TSSC4: variants seen among roughly 807,000 people sequenced by gnomAD.
TSSC4 encodes the protein U5 small nuclear ribonucleoprotein TSSC4.
For synonymous variants in TSSC4, 259 were observed against 197.9 expected, an observed-to-expected ratio of 1.31 and a Z score of -2.59; for missense variants, 500 against 443.9, an observed-to-expected ratio of 1.13 and a Z score of -1.14.
chr11:2,402,750 C>A lies in TSSC4; in HGVS notation c.117C>A (p.Ser39Arg). Reference sequence around the variant, plus strand: ...TCAGTGACTCGGACTCTGACCTCAGCTTGCCCGGTGGTGCTGAAGTGGAAG... The same window carrying A: ...TCAGTGACTCGGACTCTGACCTCAGATTGCCCGGTGGTGCTGAAGTGGAAG... The part of the protein sequence containing the change: ...VSLSDSDSDL[S>R]LPGGAEVEAL... Residue 39 changes from serine (S) to arginine (R), a missense_variant, in exon 3 of 3, where the codon AGC becomes AGA. Coordinates refer to ENST00000333256, the MANE Select transcript of TSSC4 (RefSeq NM_005706.4). 1 of 1,571,054 alleles carries A rather than the reference C, an allele frequency of 6.4e-7. No homozygotes were observed. Among genetic ancestry groups the A allele is most frequent in the South Asian group, 1.2e-5 (1 of 86,116 alleles).
Position 2,402,809 on chromosome 11 carries a change from A to G in TSSC4, c.176A>G (p.Asp59Gly). 6.3e-7 allele frequency: 1 copy of G among 1,586,524 alleles called. No individual in the cohort carries two copies. Among genetic ancestry groups the G allele is most frequent in the Non-Finnish European group, 8.6e-7 (1 of 1,165,858 alleles). Residue 59 changes from aspartate to glycine, a missense_variant, in exon 3 of 3, where the codon GAT becomes GGT. Transcript: ENST00000333256. ...LSPMGLPGEEDSGPDEPPSPP... is the reference protein window; with the variant it reads ...LSPMGLPGEEGSGPDEPPSPP... ...CCGATGGGGCTGCCTGGGGAGGAGGATTCAGGTCCTGATGAGCCGCCCTCA... is the reference window on the plus strand; with the variant it reads ...CCGATGGGGCTGCCTGGGGAGGAGGGTTCAGGTCCTGATGAGCCGCCCTCA...
chr11:2,401,995 G>A (rs1850158971), intron 1 of TSSC4: 1 of 152,222 alleles, frequency 6.6e-6, no homozygotes, highest in East Asian at 1.9e-4. Flanking sequence ...CGCTCTTTGT[G>A]GAATACGACT....
Position 2,403,188 on chromosome 11 carries a change from C to T in TSSC4, c.555C>T (p.Phe185=), listed in dbSNP as rs1850215016. 5.6e-6 allele frequency: 9 copies of T among 1,612,572 alleles called. No individual in the cohort carries two copies. The highest frequency in any genetic ancestry group is 1.7e-5 in the Admixed American group (1 of 59,954). ...EQSNQATALA[F]LGSQSLAAPT... ...GCAATCAGGCCACCGCCCTGGCCTT[C>T]CTGGGCTCCCAGAGCCTGGCTGCCC... Residue 185 remains phenylalanine, a synonymous_variant, in exon 3 of 3, where the codon TTC becomes TTT. Coordinates refer to ENST00000333256, the MANE Select transcript of TSSC4 (RefSeq NM_005706.4).
intron 1 of TSSC4, chr11:2,402,035 G>A (rs1034592098): frequency 1.3e-5 from 2 of 152,508 alleles, no homozygotes; most frequent in Non-Finnish European, 2.9e-5. Context: ...CAGCTTATAA[G>A]TGGCCCTCCT....
Position 2,403,623 on chromosome 11 carries a change from A to G in TSSC4, c.990A>G (p.Ter330TrpextTer7). 2 of 1,512,162 alleles carry G rather than the reference A, an allele frequency of 1.3e-6. No individual in the cohort carries two copies. Among genetic ancestry groups the G allele is most frequent in the African/African-American group, 1.4e-5 (1 of 71,630 alleles). 93.7% of individuals were successfully genotyped at this position (1,512,162 alleles called of 1,614,324 possible). A position where few individuals can be genotyped will look rare whatever the true frequency, so the allele number is the denominator to read the frequency against. ...CCGAGGACCCAGGTGCTGAGGTCTG[A>G]GAGGGAGATGGCCCAGCCTGACCCC... ...SSPEDPGAEV* is the reference protein window; with the variant it reads ...SSPEDPGAEVW Residue 330 changes from the stop codon to tryptophan, a stop_lost, in exon 3 of 3, where the codon TGA (stop) becomes TGG (tryptophan). Transcript: ENST00000333256.
At chr11:2,400,993 G>C (rs1589857863) in intron 1 of TSSC4, 195 bp downstream of exon 1, 1 of 152,246 alleles carries the variant, frequency 6.6e-6, no homozygotes, top group Non-Finnish European at 1.5e-5. Flanking sequence ...ACAGTGCCGA[G>C]GGGCACCGAG....
rs1369059256 is a variant in TSSC4, at chr11:2,402,900, C to T, written c.267C>T (p.Phe89=). The T allele has an allele frequency of 1.2e-6, 2 of 1,612,258 alleles. No individual in the cohort carries two copies. The highest frequency in any genetic ancestry group is 1.1e-5 in the South Asian group (1 of 90,898). The change falls in exon 3 of 3, where the codon TTC becomes TTT. Residue 89 remains phenylalanine (F), a synonymous_variant. Coordinates refer to ENST00000333256, the MANE Select transcript of TSSC4 (RefSeq NM_005706.4). ...ATCTGAGAGGCATGAGCTCCACCTT[C>T]TCCCAGCGCAGCCGTGACATCTTTG... ...PFHLRGMSST[F]SQRSRDIFDC...
chr11:2,402,504 C>G lies in TSSC4; in HGVS notation c.-24+54C>G, dbSNP rs1189578757. 6.8e-6 allele frequency: 7 copies of G among 1,031,918 alleles called. No homozygotes were observed. In the Admixed American group the frequency reaches 1.3e-4, roughly 19 times the overall value. The allele number at this position is 1,031,918 out of a possible 1,614,324, so 63.9% of individuals were successfully genotyped here. A position where few individuals can be genotyped will look rare whatever the true frequency, so the allele number is the denominator to read the frequency against. ...GGACTCCACCCTGTGTGGGACAGTT[C>G]TGTCAGTTGACCCTCCACTTGTCCA... is the stretch of plus-strand genomic sequence containing the variant. On this transcript the variant is annotated intron_variant, in intron 2 of 2. Coordinates refer to ENST00000333256, the MANE Select transcript of TSSC4 (RefSeq NM_005706.4).
chr11:2,401,539 CT>C (rs1416156447), intron 1 of TSSC4: 2 of 152,406 alleles, frequency 1.3e-5, no homozygotes, highest in Non-Finnish European at 2.9e-5. Context: ...GATAGTACCC[CT>C]GACCCCATCC....
rs757576671 is a variant in TSSC4, at chr11:2,403,247, C to T, written c.614C>T (p.Pro205Leu). Residue 205 changes from proline (P) to leucine (L), a missense_variant, in exon 3 of 3, where the codon CCC (proline) becomes CTC (leucine). By Grantham distance (98) the Pro-to-Leu change is moderately conservative. Coordinates refer to ENST00000333256, the MANE Select transcript of TSSC4 (RefSeq NM_005706.4). Reference protein sequence around the residue: ...TDCVSSFNQDPSSCGEGRVIF... With the variant: ...TDCVSSFNQDLSSCGEGRVIF... The stretch of plus-strand genomic sequence containing the variant: ...TGCGTGTCCTCCTTCAACCAGGATC[C>T]CTCCAGCTGTGGGGAGGGGAGGGTC... 6.2e-7 allele frequency: 1 copy of T among 1,612,748 alleles called. No individual in the cohort carries two copies. Among genetic ancestry groups the T allele is most frequent in the South Asian group, 1.1e-5 (1 of 91,008 alleles).
Position 2,403,058 on chromosome 11 carries a change from G to A in TSSC4, c.425G>A (p.Arg142Gln), listed in dbSNP as rs780342193. 9.9e-6 allele frequency: 16 copies of A among 1,609,430 alleles called. No individual in the cohort carries two copies. Among genetic ancestry groups the A allele is most frequent in the South Asian group, 4.4e-5 (4 of 90,708 alleles). ...SPVEGLGRAH[R>Q]SPASPRVPPV... Reference sequence around the variant, plus strand: ...GTGGAAGGCCTGGGCAGGGCCCATCGGAGCCCTGCCTCACCAAGGGTGCCT... The same window carrying A: ...GTGGAAGGCCTGGGCAGGGCCCATCAGAGCCCTGCCTCACCAAGGGTGCCT... Residue 142 changes from arginine to glutamine, a missense_variant, in exon 3 of 3, where the codon CGG becomes CAG. Transcript: ENST00000333256.
Position 2,403,377 on chromosome 11 carries a change from A to G in TSSC4, c.744A>G (p.Thr248=). Reference sequence around the variant, plus strand: ...GGGGCGGCCTTGGGAATCCTGCCACAGACAGGGGCGAGGGCCCTGTGGAGC... The same window carrying G: ...GGGGCGGCCTTGGGAATCCTGCCACGGACAGGGGCGAGGGCCCTGTGGAGC... ...PGRGGLGNPA[T]DRGEGPVELA... is the part of the protein sequence containing the mutation. Residue 248 remains threonine, a synonymous_variant, in exon 3 of 3, where the codon ACA becomes ACG. Transcript: ENST00000333256. The G allele has an allele frequency of 6.2e-7, 1 of 1,609,950 alleles. No individual in the cohort carries two copies.
chr11:2,401,512 G>A (rs1850144453), intron 1 of TSSC4: 1 of 152,292 alleles, frequency 6.6e-6, no homozygotes, highest in Admixed American at 6.5e-5. Context: ...ACCTGGTGGG[G>A]GGCACTAAGA....
In TSSC4 at chr11:2,402,690, G is replaced by A. The variant is rs200277918; in HGVS notation, c.57G>A (p.Thr19=). The change falls in exon 3 of 3, where the codon ACG becomes ACA. Residue 19 remains threonine, a synonymous_variant. Transcript: ENST00000333256. ...CCAGCGTGGAGGGCGAACACGGGAC[G>A]GAGTATGACACGCTGCCTTCCGACA... ...PSPSVEGEHG[T]EYDTLPSDTV... is the part of the protein sequence containing the mutation. The A allele has an allele frequency of 7.5e-5, 119 of 1,587,490 alleles. No homozygotes were observed. In the East Asian group the frequency reaches 1.8e-3, roughly 24 times the overall value.
At chr11:2,402,479 G>A (rs762694744) in intron 2 of TSSC4, 29 bp downstream of exon 2, 5 of 796,650 alleles carry the variant, frequency 6.3e-6, no homozygotes, top group Non-Finnish European at 9.6e-6. Flanking sequence ...GGGGGAGGCG[G>A]GACTCCACCC....
chr11:2,402,554 C>G, intron 2 of TSSC4, 57 bp from the exon 3 acceptor site: 1 of 1,420,096 alleles, frequency 7.0e-7, no homozygotes, highest in Non-Finnish European at 9.4e-7. Context: ...GCAGGGGGAA[C>G]TCATTCTCAA....
chr11:2,402,896 CCTT>C lies in TSSC4; in HGVS notation c.266_268del (p.Phe89del). On this transcript the variant is annotated inframe_deletion, in exon 3 of 3. Coordinates refer to ENST00000333256, the MANE Select transcript of TSSC4 (RefSeq NM_005706.4). ...TTCCATCTGAGAGGCATGAGCTCCA[CCTT>C]CTCCCAGCGCAGCCGTGACATCTTT... is the stretch of plus-strand genomic sequence containing the variant. 6 of 1,612,244 alleles carry C rather than the reference CCTT, an allele frequency of 3.7e-6. No individual in the cohort carries two copies. The highest frequency in any genetic ancestry group is 5.1e-6 in the Non-Finnish European group (6 of 1,179,800).
At position 2,400,752 on chromosome 11, in the gene TSSC4, A is replaced by C. The variant is rs1850119834; in HGVS notation, c.-227A>C. On this transcript the variant is annotated 5_prime_UTR_variant, in exon 1 of 3. Coordinates refer to ENST00000333256, the MANE Select transcript of TSSC4 (RefSeq NM_005706.4). ...CCAGAGGGCTGAGCGCGCCGCACGG[A>C]GGTGCGGCGCCGACCAAGATGGAGA... is the stretch of plus-strand genomic sequence containing the variant. The C allele has an allele frequency of 6.8e-6, 1 of 146,166 alleles. No individual in the cohort carries two copies. The highest frequency in any genetic ancestry group is 1.5e-5 in the Non-Finnish European group (1 of 66,612). 9.1% of individuals were successfully genotyped at this position (146,166 alleles called of 1,614,324 possible).
chr11:2,402,584 C>G, intron 2 of TSSC4, 27 bp from the exon 3 acceptor site: 1 of 1,521,534 alleles, frequency 6.6e-7, no homozygotes, highest in East Asian at 2.3e-5. Flanking sequence ...TCCTGAGAAA[C>G]AAATTTTCTG....
Sources: allele counts gnomAD v4.1 joint callset, GRCh38; gene constraint gnomAD v4.1.1; transcripts MANE v1.5; gene names NCBI Gene and HGNC (gene_info 2026-07-23, HGNC 2026-07-21).